Variants in TMEM132B observed in about 807,000 individuals in gnomAD.
The protein encoded by TMEM132B is transmembrane protein 132B.
In TMEM132B, 18 loss-of-function variants were observed where a neutral mutation model predicts 90.8. The observed-to-expected ratio is 0.20, with a 90% CI of 0.14 to 0.29. The LOEUF (loss-of-function observed/expected upper bound fraction) is 0.29, where lower values mean the gene tolerates loss of function less well. Among genes scored for constraint, TMEM132B ranks in the 10% least tolerant of loss-of-function variants. The pLI, the probability that TMEM132B is intolerant of heterozygous loss-of-function variation, is 1.00. For missense variants in TMEM132B, 1,096 were observed against 1,326.8 expected (o/e 0.83, Z 2.70); for synonymous variants, 504 against 523.3 (o/e 0.96, Z 0.50).
At chr12:125,196,376 T>G (rs7295689) in intron 1 of TMEM132B, among the ~76,000 whole-genome samples, 36,020 of 152,190 alleles carry the variant, frequency 0.24, 4,947 homozygotes, top group East Asian at 0.47. Flanking sequence ...CAGTGGAGGA[T>G]GGCCTGCATT....
intron 1 of TMEM132B, among the ~76,000 whole-genome samples, chr12:125,323,371 G>T (rs1876479870): frequency 6.6e-6 from 1 of 152,108 alleles, no homozygotes; most frequent in Non-Finnish European, 1.5e-5. Context: ...GGGAGGCGGA[G>T]GTTACACTGA....
intron 1 of TMEM132B, among the ~76,000 whole-genome samples, chr12:125,287,703 A>G (rs993798134): frequency 6.6e-6 from 1 of 152,262 alleles, no homozygotes; most frequent in Non-Finnish European, 1.5e-5. Context: ...ACCACTTTAC[A>G]GTTCTAGAGG....
At chr12:125,556,717 C>T (rs1312991840) in intron 4 of TMEM132B, among the ~76,000 whole-genome samples, 1 of 152,158 alleles carries the variant, frequency 6.6e-6, no homozygotes, top group African/African-American at 2.4e-5. Flanking sequence ...TGTGTAGCCT[C>T]ATGATAAAAA....
At chr12:125,453,480 C>A (rs1881210925) in intron 3 of TMEM132B, among the ~76,000 whole-genome samples, 1 of 152,110 alleles carries the variant, frequency 6.6e-6, no homozygotes, top group Admixed American at 6.5e-5. Context: ...TCTTCTAGGT[C>A]TCATACATTT....
At chr12:125,509,794 C>T (rs554300095) in intron 3 of TMEM132B, among the ~76,000 whole-genome samples, 23 of 152,216 alleles carry the variant, frequency 1.5e-4, no homozygotes, top group Non-Finnish European at 2.5e-4. Context: ...ATGTTTGCCT[C>T]GGGAATCAGA....
At chr12:125,245,770 G>T (rs1874194370) in intron 1 of TMEM132B, among the ~76,000 whole-genome samples, 2 of 152,138 alleles carry the variant, frequency 1.3e-5, no homozygotes, top group African/African-American at 4.8e-5. Flanking sequence ...GGCAGTGCCG[G>T]GGGAGTGCTG....
At chr12:125,485,667 G>T (rs539892954) in intron 3 of TMEM132B, among the ~76,000 whole-genome samples, 47 of 152,258 alleles carry the variant, frequency 3.1e-4, no homozygotes, top group Non-Finnish European at 5.6e-4. Flanking sequence ...GCTCTTTGAA[G>T]TTACTGTAGT....
intron 5 of TMEM132B, among the ~76,000 whole-genome samples, chr12:125,619,433 C>T (rs995311858): frequency 4.6e-5 from 7 of 152,006 alleles, no homozygotes; most frequent in South Asian, 4.2e-4. Context: ...GACACGATCT[C>T]GGCTCACTGC....
intron 4 of TMEM132B, among the ~76,000 whole-genome samples, chr12:125,526,035 GGAGGTGTCACTGT>G (rs1883446715): frequency 6.6e-6 from 1 of 152,186 alleles, no homozygotes; most frequent in Non-Finnish European, 1.5e-5. Flanking sequence ...GTAAGGAGTG[GGAGGTGTCACTGT>G]GAGAGGAGCT....
In TMEM132B at chr12:125,609,964, C is replaced by A. The variant is rs1885787017; in HGVS notation, c.1437+25970C>A. Among the ~76,000 whole-genome samples the A allele has an allele frequency of 3.2e-5, 4 of 125,226 alleles. No homozygotes were observed. The South Asian group carries it at 1.0e-3, about 31-fold the overall frequency. The allele number at this position is 125,226 out of a possible 152,430, so 82.2% of individuals were successfully genotyped here. On this transcript the variant is annotated intron_variant, in intron 5 of 8. Transcript: ENST00000682704. The stretch of plus-strand genomic sequence containing the variant: ...CATGTTTTGTACCTCTTTCTTAGTT[C>A]ATTCCTAAGTATTTTTTTTCTCTTT...
chr12:125,341,282 TG>T (rs1181497848), intron 1 of TMEM132B, among the ~76,000 whole-genome samples: 5 of 152,126 alleles, frequency 3.3e-5, no homozygotes, highest in Non-Finnish European at 7.4e-5. Context: ...CATTTATGAG[TG>T]GGGGTAAAAA....
chr12:125,628,261 T>C (rs1290299242), intron 5 of TMEM132B, among the ~76,000 whole-genome samples: 1 of 152,148 alleles, frequency 6.6e-6, no homozygotes, highest in Non-Finnish European at 1.5e-5. Context: ...TTTACATTCC[T>C]ATCAGGAGTG....
chr12:125,315,569 C>G (rs193016368), intron 1 of TMEM132B, among the ~76,000 whole-genome samples: 4 of 152,284 alleles, frequency 2.6e-5, no homozygotes, highest in South Asian at 2.1e-4. Context: ...TATCTTAACT[C>G]AAGCAATCCT....
chr12:125,353,222 T>C (rs1841787), intron 2 of TMEM132B, among the ~76,000 whole-genome samples: 41,896 of 143,506 alleles, frequency 0.29, 6,191 homozygotes, highest in Admixed American at 0.38. Context: ...ACTGCAGCAC[T>C]TCAGCACTCC....
rs759456971 is a variant in TMEM132B at position 125,644,222 on chromosome 12, C to A, written c.1584C>A (p.Ile528=). ...CCAGGCTCCCCCTGCAGATTGAGAT[C>A]TCAGACACCGAGCTGAGCCAGATCA... is the stretch of plus-strand genomic sequence containing the variant. ...WAPRLPLQIE[I]SDTELSQIKG... Residue 528 remains isoleucine (I), a synonymous_variant, in exon 6 of 9, where the codon ATC becomes ATA. Transcript: ENST00000682704. 7 of 1,614,200 alleles carry A rather than the reference C, an allele frequency of 4.3e-6. No homozygotes were observed. Among genetic ancestry groups the A allele is most frequent in the Non-Finnish European group, 5.9e-6 (7 of 1,180,046 alleles).
intron 1 of TMEM132B, among the ~76,000 whole-genome samples, chr12:125,214,404 A>G (rs964891862): frequency 6.6e-6 from 1 of 152,148 alleles, no homozygotes; most frequent in Non-Finnish European, 1.5e-5. Flanking sequence ...GCAGGAAGAG[A>G]ACACCTCTTT....
intron 1 of TMEM132B, among the ~76,000 whole-genome samples, chr12:125,267,048 A>G (rs1349730576): frequency 6.6e-6 from 1 of 152,162 alleles, no homozygotes; most frequent in Non-Finnish European, 1.5e-5. Context: ...CTTGTTCACA[A>G]AGAACCATGC....
chr12:125,590,764 T>C (rs148744692), intron 5 of TMEM132B, among the ~76,000 whole-genome samples: 177 of 152,328 alleles, frequency 1.2e-3, no homozygotes, highest in Middle Eastern at 3.4e-3. Flanking sequence ...CCAGGTACCA[T>C]TATAATAAGA....
chr12:125,275,695 C>A (rs1433617935), intron 1 of TMEM132B, among the ~76,000 whole-genome samples: 1 of 152,126 alleles, frequency 6.6e-6, no homozygotes, highest in Non-Finnish European at 1.5e-5. Flanking sequence ...TGTTATCTTG[C>A]ATCCTTGGAA....
Sources: allele counts gnomAD v4.1 joint callset (sites outside exome capture counted in the v4.1 genomes callset), GRCh38; gene constraint gnomAD v4.1.1; transcripts MANE v1.5; gene names NCBI Gene and HGNC (gene_info 2026-07-23, HGNC 2026-07-21).